RETREG3: variants seen among roughly 807,000 people sequenced by gnomAD.
RETREG3 encodes the protein reticulophagy regulator 3.
RETREG3 carries 23 observed loss-of-function variants against 50.2 expected under a neutral mutation model. That is an observed-to-expected ratio of 0.46 (90% CI 0.33 to 0.65). The LOEUF (loss-of-function observed/expected upper bound fraction) is 0.65. RETREG3 is among the 30% of genes least tolerant of loss of function. The probability of loss-of-function intolerance (pLI) is 0.02; values close to 1 mark genes in which losing one functional copy is unlikely to be tolerated. For synonymous variants in RETREG3, 240 were observed against 234.4 expected (o/e 1.02, Z -0.22); for missense variants, 546 against 598.0 (o/e 0.91, Z 0.91).
At chr17:42,586,916 G>C in intron 3 of RETREG3, 25 bp from the exon 4 acceptor site, 1 of 1,610,794 alleles carries the variant, frequency 6.2e-7, no homozygotes. Context: ...AGGGGGAGCT[G>C]TGAAAGGAGG....
At chr17:42,592,890 A>G (rs62078364) in intron 1 of RETREG3, among the ~76,000 whole-genome samples, 53,652 of 152,008 alleles carry the variant, frequency 0.35, 10,300 homozygotes, top group East Asian at 0.54. Context: ...GGGAGGCTGA[A>G]GCACGAGAAT....
chr17:42,582,980 A>T (rs1415916374), intron 7 of RETREG3, among the ~76,000 whole-genome samples, 174 bp from the exon 8 acceptor site: 1 of 151,252 alleles, frequency 6.6e-6, no homozygotes, highest in Non-Finnish European at 1.5e-5. Flanking sequence ...TTTTTTTTTT[A>T]ATCAATACAT....
intron 1 of RETREG3, among the ~76,000 whole-genome samples, chr17:42,600,397 A>AG (rs1555630037): frequency 6.6e-6 from 1 of 152,204 alleles, no homozygotes; most frequent in Non-Finnish European, 1.5e-5. Context: ...GAAAAAAAAA[A>AG]GTATCATTTA....
At chr17:42,602,849 T>G (rs572815094) in intron 1 of RETREG3, among the ~76,000 whole-genome samples, 197 of 151,784 alleles carry the variant, frequency 1.3e-3, no homozygotes, top group African/African-American at 4.6e-3. Flanking sequence ...GAGGCTGAGG[T>G]GGGAGGATGG....
At chr17:42,609,054 T>C (rs755264495) in intron 1 of RETREG3, 32 bp downstream of exon 1, 10 of 1,591,790 alleles carry the variant, frequency 6.3e-6, no homozygotes, top group South Asian at 4.4e-5. Flanking sequence ...AATTCGGGAC[T>C]CGGAGGGTTT....
chr17:42,601,563 C>T (rs552099447), intron 1 of RETREG3, among the ~76,000 whole-genome samples: 58 of 128,768 alleles, frequency 4.5e-4, no homozygotes, highest in African/African-American at 1.6e-3. Context: ...ACAGACAGAG[C>T]GAGACTCTCT....
At chr17:42,584,683 C>G (rs1303144660) in intron 6 of RETREG3, among the ~76,000 whole-genome samples, 2 of 151,934 alleles carry the variant, frequency 1.3e-5, no homozygotes, top group African/African-American at 4.8e-5. Flanking sequence ...TGACACATGC[C>G]TGTAGTCCCA....
At position 42,587,839 on chromosome 17, in the gene RETREG3, A is replaced by G. The variant is rs2093124211; in HGVS notation, c.372T>C (p.Asn124=). ...ATTTAATTAGTGTTCCATACCTCTC[A>G]TTGTCTAATGCGTCGGGTCTTGGCA... The part of the protein sequence containing the change: ...IKVPRPDALD[N]ESWGFVHPRL... The change falls in exon 3 of 9, where the codon AAT becomes AAC. Residue 124 remains asparagine, a synonymous_variant. Coordinates refer to ENST00000309428, the MANE Select transcript of RETREG3 (RefSeq NM_178126.4). 6.2e-7 allele frequency: 1 copy of G among 1,613,858 alleles called. No individual in the cohort carries two copies. The highest frequency in any genetic ancestry group is 1.7e-4 in the Middle Eastern group (1 of 6,060).
intron 1 of RETREG3, among the ~76,000 whole-genome samples, chr17:42,605,990 CAA>C (rs764477176): frequency 3.0e-3 from 193 of 65,054 alleles, no homozygotes; most frequent in East Asian, 0.015. Context: ...GACTCCATCT[CAA>C]AAAAAAAAAA....
Position 42,609,291 on chromosome 17 carries a change from C to G in RETREG3, c.34G>C (p.Gly12Arg). Residue 12 changes from glycine to arginine, a missense_variant, in exon 1 of 9, where the codon GGC (glycine) becomes CGC (arginine). By Grantham distance (125) the Gly-to-Arg change is moderately radical. Transcript: ENST00000309428. ...AEAEGVPTTP[G>R]PASGSTFRGR... ...CTGAAAGTCGACCCCGAAGCCGGGC[C>G]TGGGGTCGTGGGAACCCCTTCGGCC... The G allele has an allele frequency of 6.2e-7, 1 of 1,603,048 alleles. No homozygotes were observed. Among genetic ancestry groups the G allele is most frequent in the Non-Finnish European group, 8.5e-7 (1 of 1,179,698 alleles).
chr17:42,599,100 C>A lies in RETREG3; in HGVS notation c.240-6938G>T, dbSNP rs1424705258. 5 of 152,108 alleles carry A rather than the reference C, an allele frequency of 3.3e-5. No individual in the cohort carries two copies. The East Asian group carries it at 9.6e-4, about 29-fold the overall frequency. The allele number at this position is 152,108 out of a possible 1,614,324, so 9.4% of individuals were successfully genotyped here. The stretch of plus-strand genomic sequence containing the variant: ...GTCTGGCAAGCCTCCCTAGAGAGCC[C>A]TTTCAAGTACTCTGGAGAAAACAGC... On this transcript the variant is annotated intron_variant, in intron 1 of 8. Transcript: ENST00000309428.
Position 42,580,437 on chromosome 17 carries a change from T to G in RETREG3, c.*1376A>C, listed in dbSNP as rs1229188895. On this transcript the variant is annotated 3_prime_UTR_variant, in exon 9 of 9. Transcript: ENST00000309428. ...CAGGAACATAGAAATGAGTATGGTATTGCTTTGCTCACTGCTGAGGCTGAT... is the reference window on the plus strand; with the variant it reads ...CAGGAACATAGAAATGAGTATGGTAGTGCTTTGCTCACTGCTGAGGCTGAT... The G allele has an allele frequency of 6.5e-6, 1 of 152,704 alleles. No homozygotes were observed. Among genetic ancestry groups the G allele is most frequent in the Non-Finnish European group, 1.5e-5 (1 of 68,072 alleles). The allele number at this position is 152,704 out of a possible 1,614,324, so 9.5% of individuals were successfully genotyped here.
intron 1 of RETREG3, among the ~76,000 whole-genome samples, chr17:42,595,215 C>T (rs1163132730): frequency 6.6e-6 from 1 of 151,990 alleles, no homozygotes; most frequent in African/African-American, 2.4e-5. Flanking sequence ...GATCTGCCTG[C>T]CTCAGCCTCC....
chr17:42,592,141 A>G lies in RETREG3; in HGVS notation c.261T>C (p.Leu87=), dbSNP rs1385947223. The G allele has an allele frequency of 6.2e-7, 1 of 1,613,816 alleles. No individual in the cohort carries two copies. The highest frequency in any genetic ancestry group is 8.5e-7 in the Non-Finnish European group (1 of 1,179,928). Residue 87 remains leucine, a synonymous_variant, in exon 2 of 9, where the codon CTT becomes CTC. Transcript: ENST00000309428. ...CAAATGCAAGTAAAAACACAAGACG[A>G]AGAGATGTCAGGGCAAAAAACCTAC... ...AAFWFFALTS[L]RLVFLLAFGL... is the part of the protein sequence containing the mutation.
Position 42,586,041 on chromosome 17 carries a change from T to G in RETREG3, c.589+12A>C. ...GGGTATACTTTGTAGGGGAGGTATA[T>G]GTCATACTTACGCATCAAGTAGGAC... On this transcript the variant is annotated intron_variant, in intron 5 of 8. Transcript: ENST00000309428. 1 of 1,613,892 alleles carries G rather than the reference T, an allele frequency of 6.2e-7. No individual in the cohort carries two copies. Among genetic ancestry groups the G allele is most frequent in the Non-Finnish European group, 8.5e-7 (1 of 1,179,808 alleles).
chr17:42,581,988 G>A lies in RETREG3; in HGVS notation c.1226C>T (p.Ala409Val). 1 of 1,614,140 alleles carries A rather than the reference G, an allele frequency of 6.2e-7. No individual in the cohort carries two copies. Among genetic ancestry groups the A allele is most frequent in the Non-Finnish European group, 8.5e-7 (1 of 1,180,030 alleles). Residue 409 changes from alanine to valine, a missense_variant, in exon 9 of 9, where the codon GCC (alanine) becomes GTC (valine). Coordinates refer to ENST00000309428, the MANE Select transcript of RETREG3 (RefSeq NM_178126.4). The stretch of plus-strand genomic sequence containing the variant: ...GCCTGGTTGGGAGGCCCCTGACAAG[G>A]CCAGCTGAATCATACCCTGGGAGAC... ...SLVSQGMIQL[A>V]LSGASQPGPS...
intron 4 of RETREG3, chr17:42,586,505 C>T: frequency 1.4e-5 from 6 of 421,458 alleles, no homozygotes; most frequent in Non-Finnish European, 2.2e-5. Context: ...ACAGAATGTA[C>T]ACAAGAAAGC....
At chr17:42,590,064 C>T (rs954174211) in intron 2 of RETREG3, among the ~76,000 whole-genome samples, 28 of 151,920 alleles carry the variant, frequency 1.8e-4, no homozygotes, top group African/African-American at 6.0e-4. Flanking sequence ...ATTAGCTGGG[C>T]GTAGTGGTGC....
chr17:42,607,968 A>C (rs1181628444), intron 1 of RETREG3, among the ~76,000 whole-genome samples: 2 of 152,240 alleles, frequency 1.3e-5, no homozygotes, highest in Non-Finnish European at 2.9e-5. Flanking sequence ...GATTAGCTTA[A>C]TAGCTGAACA....
Sources: allele counts gnomAD v4.1 joint callset (sites outside exome capture counted in the v4.1 genomes callset), GRCh38; gene constraint gnomAD v4.1.1; transcripts MANE v1.5; gene names NCBI Gene and HGNC (gene_info 2026-07-23, HGNC 2026-07-21).